RSBN1: variants seen among roughly 807,000 people sequenced by gnomAD.
The protein encoded by RSBN1 is round spermatid basic protein 1, also known as lysine-specific demethylase 9.
Under a neutral mutation model 74.8 loss-of-function variants are expected in RSBN1, and 23 were observed. The observed-to-expected ratio is 0.31, with a 90% CI of 0.22 to 0.44. RSBN1 has a LOEUF of 0.44. Among genes scored for constraint, RSBN1 ranks in the 20% least tolerant of loss-of-function variants. The probability of loss-of-function intolerance (pLI) is 1.00; values close to 1 mark genes in which losing one functional copy is unlikely to be tolerated. For synonymous variants in RSBN1, 407 were observed against 379.6 expected, an observed-to-expected ratio of 1.07 and a Z score of -0.84; for missense variants, 808 against 1,020.9, an observed-to-expected ratio of 0.79 and a Z score of 2.84.
At chr1:113,807,170 C>T (rs1421312671) in intron 1 of RSBN1, among the ~76,000 whole-genome samples, 3 of 151,474 alleles carry the variant, frequency 2.0e-5, no homozygotes, top group African/African-American at 4.9e-5. Flanking sequence ...AAAAATTAGC[C>T]GGGCATGGTG....
chr1:113,807,635 C>A (rs936113770), intron 1 of RSBN1, among the ~76,000 whole-genome samples: 1 of 151,782 alleles, frequency 6.6e-6, no homozygotes, highest in Non-Finnish European at 1.5e-5. Flanking sequence ...GTGGCAGGCA[C>A]CTGTAATCCC....
intron 2 of RSBN1, among the ~76,000 whole-genome samples, chr1:113,787,436 G>C (rs916892083): frequency 1.3e-5 from 2 of 152,180 alleles, no homozygotes; most frequent in Non-Finnish European, 2.9e-5. Context: ...AACTTTTATA[G>C]AAGGCAAGAA....
rs111410762 is a variant in RSBN1, at chr1:113,796,605, A to G, written c.1377+758T>C. Among the ~76,000 whole-genome samples the G allele has an allele frequency of 1.1e-3, 172 of 152,330 alleles. 1 individual carries two copies. Among genetic ancestry groups the G allele is most frequent in the African/African-American group, 4.0e-3 (166 of 41,594 alleles). The stretch of plus-strand genomic sequence containing the variant: ...AGTTTAAAAAGTGAAAGTCTCCACT[A>G]AAGTTGAATTTATAATATATACTGC... On this transcript the variant is annotated intron_variant, in intron 2 of 6. Transcript: ENST00000261441.
Position 113,766,244 on chromosome 1 carries a change from T to G in RSBN1, c.2145A>C (p.Glu715Asp), listed in dbSNP as rs1455015679. 1.9e-6 allele frequency: 3 copies of G among 1,614,136 alleles called. No homozygotes were observed. The highest frequency in any genetic ancestry group is 2.5e-6 in the Non-Finnish European group (3 of 1,179,976). Residue 715 changes from glutamate to aspartate, a missense_variant, in exon 7 of 7, where the codon GAA becomes GAC. By Grantham distance (45) the Glu-to-Asp change is conservative. Around this residue, in one of 6 missense-constraint regions of RSBN1, gnomAD observed 91 missense variants for 99.6 expected, o/e 0.91. Transcript: ENST00000261441. The stretch of plus-strand genomic sequence containing the variant: ...AACCACAGTCCATGTTAGAATTGCT[T>G]TCTGTGTTTTGAGTGGCTTCCACAA... ...HPVVEATQNT[E>D]SNSNMDCGLT...
chr1:113,790,991 G>A (rs1313612569), intron 2 of RSBN1, among the ~76,000 whole-genome samples: 2 of 152,146 alleles, frequency 1.3e-5, no homozygotes, highest in African/African-American at 2.4e-5. Flanking sequence ...AATAGCAACT[G>A]AAAACAAAGA....
In RSBN1 at chr1:113,812,000, A is replaced by C; in HGVS notation, c.413T>G (p.Val138Gly). The change falls in exon 1 of 7, where the codon GTT (valine) becomes GGT (glycine). Residue 138 changes from valine to glycine, a missense_variant. By Grantham distance (109) the Val-to-Gly change is moderately radical. Around this residue, in one of 6 missense-constraint regions of RSBN1, gnomAD observed 464 missense variants for 401.0 expected, o/e 1.16. Coordinates refer to ENST00000261441, the MANE Select transcript of RSBN1 (RefSeq NM_018364.5). The stretch of plus-strand genomic sequence containing the variant: ...CGGAGGCGGCAGGAGAAGAGGCTCA[A>C]CAGGGCCTGGGACAGTTGGGGCTGC... ...TNAAPTVPGP[V>G]EPLLLPPPPP... 6.4e-7 allele frequency: 1 copy of C among 1,555,038 alleles called. No individual in the cohort carries two copies. The highest frequency in any genetic ancestry group is 1.4e-5 in the African/African-American group (1 of 73,594).
intron 1 of RSBN1, among the ~76,000 whole-genome samples, chr1:113,807,261 C>A (rs1234245104): frequency 4.0e-5 from 6 of 150,738 alleles, no homozygotes; most frequent in African/African-American, 1.5e-4. Context: ...TTGCAGTGAG[C>A]CAGGATCGTG....
At chr1:113,773,449 G>C (rs1571295941) in intron 4 of RSBN1, among the ~76,000 whole-genome samples, 1 of 152,206 alleles carries the variant, frequency 6.6e-6, no homozygotes, top group East Asian at 1.9e-4. Context: ...CTTGAACCCG[G>C]GAGGCAGAGG....
At chr1:113,793,930 C>A (rs1303517096) in intron 2 of RSBN1, among the ~76,000 whole-genome samples, 1 of 152,176 alleles carries the variant, frequency 6.6e-6, no homozygotes, top group Non-Finnish European at 1.5e-5. Context: ...AGCCTCCAAA[C>A]TGCTGGGATT....
chr1:113,812,015 G>A lies in RSBN1; in HGVS notation c.398C>T (p.Thr133Ile). 1.9e-6 allele frequency: 3 copies of A among 1,540,692 alleles called. No individual in the cohort carries two copies. Among genetic ancestry groups the A allele is most frequent in the Non-Finnish European group, 8.7e-7 (1 of 1,143,912 alleles). The part of the protein sequence containing the change: ...GPLPPTNAAP[T>I]VPGPVEPLLL... ...AAGAGGCTCAACAGGGCCTGGGACAGTTGGGGCTGCATTCGTTGGCGGCAG... is the reference window on the plus strand; with the variant it reads ...AAGAGGCTCAACAGGGCCTGGGACAATTGGGGCTGCATTCGTTGGCGGCAG... The change falls in exon 1 of 7, where the codon ACT becomes ATT. Residue 133 changes from threonine (T) to isoleucine (I), a missense_variant. By Grantham distance (89) the Thr-to-Ile change is moderately conservative. This residue lies in a region of RSBN1 where 464 missense variants were observed against 401.0 expected (regional missense o/e 1.16). Transcript: ENST00000261441.
chr1:113,790,029 T>A (rs1292936468), intron 2 of RSBN1, among the ~76,000 whole-genome samples: 1 of 151,852 alleles, frequency 6.6e-6, no homozygotes, highest in East Asian at 1.9e-4. Flanking sequence ...TAAAACGACA[T>A]GATAAGCCAC....
At chr1:113,798,113 A>C in intron 1 of RSBN1, 77 bp from the exon 2 acceptor site, 25 of 1,257,124 alleles carry the variant, frequency 2.0e-5, no homozygotes, top group Non-Finnish European at 2.7e-5. Context: ...ACTTGATCTC[A>C]TTAAATAGCC....
chr1:113,797,825 A>T lies in RSBN1; in HGVS notation c.915T>A (p.Asn305Lys), dbSNP rs764168960. 9.9e-6 allele frequency: 16 copies of T among 1,614,076 alleles called. No individual in the cohort carries two copies. Among genetic ancestry groups the T allele is most frequent in the Non-Finnish European group, 1.4e-5 (16 of 1,179,988 alleles). ...QGQINSTSGL[N>K]KESFRYLKDE... The stretch of plus-strand genomic sequence containing the variant: ...CTTTCAGATACCTGAAGGACTCCTT[A>T]TTAAGTCCTGAAGTGCTATTTATTT... The change falls in exon 2 of 7, where the codon AAT (asparagine) becomes AAA (lysine). Residue 305 changes from asparagine (N) to lysine (K), a missense_variant. By Grantham distance (94) the Asn-to-Lys change is moderately conservative (BLOSUM62 0). Around this residue, in one of 6 missense-constraint regions of RSBN1, gnomAD observed 85 missense variants for 126.2 expected, o/e 0.67. Coordinates refer to ENST00000261441, the MANE Select transcript of RSBN1 (RefSeq NM_018364.5).
intron 1 of RSBN1, among the ~76,000 whole-genome samples, chr1:113,798,947 G>C (rs1380832867): frequency 2.0e-5 from 3 of 152,096 alleles, no homozygotes; most frequent in African/African-American, 7.2e-5. Context: ...AATCTGGATA[G>C]CTACTCCTGC....
chr1:113,785,977 G>C (rs1322516240), intron 2 of RSBN1, among the ~76,000 whole-genome samples: 1 of 152,172 alleles, frequency 6.6e-6, no homozygotes, highest in Non-Finnish European at 1.5e-5. Context: ...TTGGTTTTTT[G>C]TTTGTTTAGT....
At chr1:113,807,411 A>G (rs545135356) in intron 1 of RSBN1, among the ~76,000 whole-genome samples, 4 of 152,240 alleles carry the variant, frequency 2.6e-5, no homozygotes, top group African/African-American at 7.2e-5. Flanking sequence ...CAAACCATAC[A>G]AAGAAGCTGC....
chr1:113,805,031 T>G (rs1388113272), intron 1 of RSBN1, among the ~76,000 whole-genome samples: 1 of 152,162 alleles, frequency 6.6e-6, no homozygotes, highest in Non-Finnish European at 1.5e-5. Flanking sequence ...CTTTCCTTTT[T>G]AACAACATAT....
intron 2 of RSBN1, among the ~76,000 whole-genome samples, chr1:113,783,769 G>C (rs1441509525): frequency 1.3e-5 from 2 of 152,138 alleles, no homozygotes; most frequent in Non-Finnish European, 1.5e-5. Context: ...TCATGCACAT[G>C]ACAACACCAG....
rs74764444 is a variant in RSBN1, at chr1:113,761,899, A to G, written c.*4081T>C. The G allele has an allele frequency of 0.037, 5,629 of 152,752 alleles. 168 individuals are homozygous for G. Among genetic ancestry groups the G allele is most frequent in the Non-Finnish European group, 0.055 (3,722 of 67,988 alleles). The allele number at this position is 152,752 out of a possible 1,614,324, so 9.5% of individuals were successfully genotyped here. Reference sequence around the variant, plus strand: ...AGGAAAAAAAAAAACTATGCATTCCATTGTCCTATTTTACAAAGAAATAGC... The same window carrying G: ...AGGAAAAAAAAAAACTATGCATTCCGTTGTCCTATTTTACAAAGAAATAGC... On this transcript the variant is annotated 3_prime_UTR_variant, in exon 7 of 7. Transcript: ENST00000261441.
Sources: allele counts gnomAD v4.1 joint callset (sites outside exome capture counted in the v4.1 genomes callset), GRCh38; gene constraint gnomAD v4.1.1; regional missense constraint gnomAD v4.1.1; transcripts MANE v1.5; gene names NCBI Gene and HGNC (gene_info 2026-07-23, HGNC 2026-07-21).